Variants in CTIF observed in about 807,000 individuals in gnomAD.
CTIF encodes CBP80/20-dependent translation initiation factor.
In CTIF, 21 loss-of-function variants were observed where a neutral mutation model predicts 66.0. That is an observed-to-expected ratio of 0.32 (90% CI 0.23 to 0.46). The LOEUF is 0.46. Ranked by LOEUF, CTIF falls within the 20% of genes least tolerant of loss-of-function variation. The probability of loss-of-function intolerance (pLI) is 1.00; values close to 1 mark genes in which losing one functional copy is unlikely to be tolerated. For synonymous variants in CTIF, 345 were observed against 326.4 expected (o/e 1.06, Z -0.62); for missense variants, 739 against 812.7 (o/e 0.91, Z 1.10).
At chr18:48,809,328 T>C (rs997239634) in intron 9 of CTIF, among the ~76,000 whole-genome samples, 37 of 152,192 alleles carry the variant, frequency 2.4e-4, no homozygotes, top group African/African-American at 8.7e-4. Flanking sequence ...TTTTATCTCT[T>C]CCATTCTAAG....
rs1371118368 is a variant in CTIF at position 48,730,678 on chromosome 18, CGGTGTGAGGAGCCCCTGA to C, written c.584+18993_584+19010del. 1.7e-4 allele frequency among the ~76,000 whole-genome samples: 23 copies of C among 132,466 alleles called. 3 individuals carry two copies. The highest frequency in any genetic ancestry group is 2.4e-4 in the Non-Finnish European group (14 of 59,004). 86.9% of individuals were successfully genotyped at this position (132,466 alleles called of 152,430 possible). ...GCTTCTGCGGTGTGAGGGGCTTCTGCGGTGTGAGGAGCCCCTGAGGTGTGAGGGGCTTCCGCGGTGTGA... is the reference window on the plus strand; with the variant it reads ...GCTTCTGCGGTGTGAGGGGCTTCTGCGGTGTGAGGGGCTTCCGCGGTGTGA... On this transcript the variant is annotated intron_variant, in intron 7 of 11. Coordinates refer to ENST00000256413, the MANE Select transcript of CTIF (RefSeq NM_014772.3).
intron 9 of CTIF, among the ~76,000 whole-genome samples, chr18:48,793,534 G>A (rs2067840448): frequency 6.6e-6 from 1 of 152,112 alleles, no homozygotes; most frequent in African/African-American, 2.4e-5. Flanking sequence ...CTGTATTTCT[G>A]ACAAAATGTT....
chr18:48,849,582 CTTTTTTTTTTT>C (rs377281281), intron 10 of CTIF, among the ~76,000 whole-genome samples: 18 of 114,438 alleles, frequency 1.6e-4, no homozygotes, highest in African/African-American at 6.6e-4. Flanking sequence ...CCATTTTAAA[CTTTTTTTTTTT>C]TTTTTTTTTT....
chr18:48,541,540 G>T (rs2088620759), intron 1 of CTIF, among the ~76,000 whole-genome samples: 2 of 152,232 alleles, frequency 1.3e-5, no homozygotes, highest in African/African-American at 4.8e-5. Context: ...TGCGCGAGGA[G>T]ATGGCCTGGC....
chr18:48,600,160 G>A (rs1201219214), intron 1 of CTIF, among the ~76,000 whole-genome samples: 1 of 152,052 alleles, frequency 6.6e-6, no homozygotes, highest in African/African-American at 2.4e-5. Context: ...CCCAACCCCC[G>A]AGGCATGCAA....
intron 10 of CTIF, among the ~76,000 whole-genome samples, chr18:48,824,741 A>G (rs2068549728): frequency 6.6e-6 from 1 of 151,990 alleles, no homozygotes; most frequent in Admixed American, 6.6e-5. Context: ...CCCGGGTTCA[A>G]GCGATTCTTC....
Position 48,635,480 on chromosome 18 carries a change from T to G in CTIF, c.181-1134T>G, listed in dbSNP as rs79931539. Among the ~76,000 whole-genome samples the G allele has an allele frequency of 5.7e-3, 870 of 152,168 alleles. 10 individuals carry two copies. The highest frequency in any genetic ancestry group is 0.02 in the African/African-American group (825 of 41,520). ...CTAGGACAGCAGGTGCATGCCACCA[T>G]AGCTGGCTAGTTTTTGCTTTTGTTT... On this transcript the variant is annotated intron_variant, in intron 2 of 11. Transcript: ENST00000256413.
intron 6 of CTIF, among the ~76,000 whole-genome samples, chr18:48,672,232 T>C (rs1411505645): frequency 6.6e-6 from 1 of 151,776 alleles, no homozygotes; most frequent in Non-Finnish European, 1.5e-5. Context: ...ATCTGAGTTT[T>C]CCTAGTGTTC....
intron 1 of CTIF, among the ~76,000 whole-genome samples, chr18:48,545,568 G>A (rs1223893310): frequency 2.0e-5 from 3 of 150,642 alleles, no homozygotes; most frequent in African/African-American, 7.3e-5. Context: ...TCACTGACTA[G>A]ATGGACGGCA....
chr18:48,809,823 TAG>T (rs958414566), intron 9 of CTIF, among the ~76,000 whole-genome samples: 22 of 151,710 alleles, frequency 1.5e-4, no homozygotes, highest in Non-Finnish European at 2.2e-4. Context: ...ATTATCAACA[TAG>T]AGTTATAAAT....
At chr18:48,797,246 G>C (rs2067941711) in intron 9 of CTIF, among the ~76,000 whole-genome samples, 1 of 152,210 alleles carries the variant, frequency 6.6e-6, no homozygotes, top group Non-Finnish European at 1.5e-5. Flanking sequence ...ACTTTGGGAG[G>C]CCGAGGTGGG....
At position 48,576,677 on chromosome 18, in the gene CTIF, G is replaced by T. The variant is rs2089540169; in HGVS notation, c.-29+37365G>T. Among the ~76,000 whole-genome samples, 4 of 152,210 alleles carry T rather than the reference G, an allele frequency of 2.6e-5. No individual in the cohort carries two copies. In the South Asian group the frequency reaches 8.3e-4, roughly 32 times the overall value. ...AATACCAAATGAAACAAGGTTCCAT[G>T]GTGCCCTGAGTACAGGATTTGAGTA... On this transcript the variant is annotated intron_variant, in intron 1 of 11. Coordinates refer to ENST00000256413, the MANE Select transcript of CTIF (RefSeq NM_014772.3).
chr18:48,624,713 G>A lies in CTIF; in HGVS notation c.180+4968G>A, dbSNP rs907262430. 2.0e-5 allele frequency among the ~76,000 whole-genome samples: 3 copies of A among 152,228 alleles called. No individual in the cohort carries two copies. The East Asian group carries it at 5.8e-4, about 29-fold the overall frequency. Reference sequence around the variant, plus strand: ...CTGGGCCTGAACTATTCATAAGCCTGTGCATGACTCTGATTGCCACAGTGG... The same window carrying A: ...CTGGGCCTGAACTATTCATAAGCCTATGCATGACTCTGATTGCCACAGTGG... On this transcript the variant is annotated intron_variant, in intron 2 of 11. Coordinates refer to ENST00000256413, the MANE Select transcript of CTIF (RefSeq NM_014772.3).
intron 1 of CTIF, among the ~76,000 whole-genome samples, chr18:48,614,562 GT>G (rs2090363944): frequency 6.6e-6 from 1 of 152,190 alleles, no homozygotes; most frequent in Non-Finnish European, 1.5e-5. Flanking sequence ...TCTGATACAT[GT>G]TACAATGTAG....
At chr18:48,762,511 G>A (rs1909104910) in intron 9 of CTIF, among the ~76,000 whole-genome samples, 1 of 152,226 alleles carries the variant, frequency 6.6e-6, no homozygotes. Flanking sequence ...TCCTGGGACT[G>A]TCCTTGGAGA....
chr18:48,628,311 T>C (rs1333844535), intron 2 of CTIF, among the ~76,000 whole-genome samples: 3 of 152,132 alleles, frequency 2.0e-5, no homozygotes, highest in African/African-American at 7.2e-5. Context: ...ATGAGCTGGG[T>C]GCTGCTTTAA....
intron 1 of CTIF, among the ~76,000 whole-genome samples, chr18:48,578,749 C>T (rs2089589694): frequency 6.6e-6 from 1 of 152,172 alleles, no homozygotes; most frequent in African/African-American, 2.4e-5. Context: ...AAATACTAGA[C>T]CCTTACCAGA....
chr18:48,701,209 C>T (rs371144953), intron 6 of CTIF, among the ~76,000 whole-genome samples: 3 of 152,108 alleles, frequency 2.0e-5, no homozygotes, highest in African/African-American at 7.2e-5. Context: ...TCTCATTCCT[C>T]ATGGCCCTTT....
intron 1 of CTIF, among the ~76,000 whole-genome samples, chr18:48,590,060 C>T (rs1028416645): frequency 1.3e-5 from 2 of 152,150 alleles, no homozygotes; most frequent in African/African-American, 2.4e-5. Context: ...TCTGGCCCTC[C>T]TGACCTGTGT....
Sources: gnomAD v4.1 joint callset for allele counts (sites outside exome capture counted in the v4.1 genomes callset) on GRCh38, gnomAD v4.1.1 for gene constraint, MANE v1.5 for transcripts, NCBI Gene and HGNC (gene_info 2026-07-23, HGNC 2026-07-21) for gene names.